The following PCDHGA5 variants were observed in gnomAD, a reference collection of about 807,000 sequenced individuals.
The protein encoded by PCDHGA5 is protocadherin gamma subfamily A, 5, also known as protocadherin gamma-A5.
A neutral mutation model predicts 56.7 loss-of-function variants in PCDHGA5; 36 were observed. That is an observed-to-expected ratio of 0.64 (90% CI 0.49 to 0.84). PCDHGA5 has a LOEUF of 0.84. Among genes scored for constraint, PCDHGA5 ranks in the 40% least tolerant of loss-of-function variants. The pLI, the probability that PCDHGA5 is intolerant of heterozygous loss-of-function variation, is 0.00. For synonymous variants in PCDHGA5, 563 were observed against 520.2 expected (o/e 1.08, Z -1.12); for missense variants, 1,305 against 1,201.5 (o/e 1.09, Z -1.27).
Position 141,489,079 on chromosome 5 carries a change from C to CCCCA in PCDHGA5, c.2422-5727_2422-5726insCCAC. ...CTCCCCTCCCCCCTGCCCACCCCCGCCACTCGGTGACTAAGAACTGCTGCA... is the reference window on the plus strand; with the variant it reads ...CTCCCCTCCCCCCTGCCCACCCCCGCCCCACACTCGGTGACTAAGAACTGCTGCA... On this transcript the variant is annotated intron_variant, in intron 1 of 3. Transcript: ENST00000518069. This position sits in a 1 kb window ranked among gnomAD's most constrained non-coding sequence, Gnocchi z 4.5. The CCCCA allele has an allele frequency of 9.1e-6, 3 of 329,992 alleles. No homozygotes were observed. Among genetic ancestry groups the CCCCA allele is most frequent in the African/African-American group, 2.4e-5 (1 of 41,312 alleles). The allele number at this position is 329,992 out of a possible 1,614,324, so 20.4% of individuals were successfully genotyped here.
chr5:141,414,624 G>C, intron 1 of PCDHGA5: 1 of 1,613,932 alleles, frequency 6.2e-7, no homozygotes, highest in Non-Finnish European at 8.5e-7. Context: ...CGCTGGACCC[G>C]GACAGCAAAG....
At chr5:141,374,974 G>A in intron 1 of PCDHGA5, 2 of 1,613,958 alleles carry the variant, frequency 1.2e-6, no homozygotes, top group Non-Finnish European at 1.7e-6. Context: ...TGAATGTTTT[G>A]ACTGGAGAAA....
chr5:141,371,979 G>T (rs1216406946), intron 1 of PCDHGA5: 1 of 1,613,118 alleles, frequency 6.2e-7, no homozygotes, highest in Non-Finnish European at 8.5e-7. Flanking sequence ...GCGTGCCTTC[G>T]AGCTCACTCT....
At chr5:141,400,191 A>G (rs781032596) in intron 1 of PCDHGA5, 2 of 1,613,970 alleles carry the variant, frequency 1.2e-6, no homozygotes, top group Non-Finnish European at 1.7e-6. Context: ...AGTTTTACCT[A>G]GTGGTGGCCT....
chr5:141,511,345 T>TC lies in PCDHGA5; in HGVS notation c.*179dup, dbSNP rs535135679. The TC allele has an allele frequency of 6.6e-4, 924 of 1,410,366 alleles. 3 individuals are homozygous for TC. The African/African-American group carries it at 0.011, about 17-fold the overall frequency. 87.4% of individuals were successfully genotyped at this position (1,410,366 alleles called of 1,614,324 possible). ...AAGTGCCCAGTCAGCACCTACCCCT[T>TC]CCCCCCCAGGGGGTTGAATATGCAA... On this transcript the variant is annotated 3_prime_UTR_variant, in exon 4 of 4. Coordinates refer to ENST00000518069, the MANE Select transcript of PCDHGA5 (RefSeq NM_018918.3).
chr5:141,481,071 A>G (rs887828386), intron 1 of PCDHGA5, among the ~76,000 whole-genome samples: 19 of 152,172 alleles, frequency 1.2e-4, no homozygotes, highest in African/African-American at 4.6e-4. Context: ...AACAAAAAGA[A>G]AGAAAGAAAA....
chr5:141,379,614 A>G (rs947547089), intron 1 of PCDHGA5: 1 of 152,204 alleles, frequency 6.6e-6, no homozygotes, highest in African/African-American at 2.4e-5. Context: ...TTTCATTTAA[A>G]CAAATAAAAT....
intron 1 of PCDHGA5, chr5:141,404,204 T>A: frequency 6.2e-7 from 1 of 1,613,718 alleles, no homozygotes; most frequent in Non-Finnish European, 8.5e-7. Context: ...AGCCTCAGAA[T>A]ATAATATCAC....
Position 141,491,743 on chromosome 5 carries a change from A to G in PCDHGA5, c.2422-3064A>G, listed in dbSNP as rs752434173. ...GCCCCGGGCGACCCCTGGGGGCGGC[A>G]CTGGAGAAGCCGCCCGTCCTCATAA... On this transcript the variant is annotated intron_variant, in intron 1 of 3. Transcript: ENST00000518069. The surrounding 1 kb of genome is among the most constrained non-coding windows in gnomAD (Gnocchi z 6.9). 5.0e-6 allele frequency: 8 copies of G among 1,595,570 alleles called. No individual in the cohort carries two copies. In the Admixed American group the frequency reaches 1.4e-4, roughly 28 times the overall value.
chr5:141,410,844 TTTGTC>T, intron 1 of PCDHGA5: 1 of 422,400 alleles, frequency 2.4e-6, no homozygotes, highest in Non-Finnish European at 3.9e-6. Context: ...ATATTTTGTC[TTTGTC>T]TTTTTTTTTT....
At chr5:141,450,881 G>A (rs1205242412) in intron 1 of PCDHGA5, among the ~76,000 whole-genome samples, 1 of 149,726 alleles carries the variant, frequency 6.7e-6, no homozygotes, top group African/African-American at 2.5e-5. Flanking sequence ...CTGGTGTGCA[G>A]TGGTGCGATA....
chr5:141,487,633 T>C lies in PCDHGA5; in HGVS notation c.2422-7174T>C. On this transcript the variant is annotated intron_variant, in intron 1 of 3. Transcript: ENST00000518069. The surrounding 1 kb of genome is among the most constrained non-coding windows in gnomAD (Gnocchi z 5.0). ...GGCTAGAGGTGAGACCTTTGCAGGCTCAACAAATGCTTGAGGGTTATTCTG... is the reference window on the plus strand; with the variant it reads ...GGCTAGAGGTGAGACCTTTGCAGGCCCAACAAATGCTTGAGGGTTATTCTG... 3 of 1,614,164 alleles carry C rather than the reference T, an allele frequency of 1.9e-6. No individual in the cohort carries two copies. The highest frequency in any genetic ancestry group is 2.7e-5 in the African/African-American group (2 of 75,052).
chr5:141,507,570 G>A (rs562674847), intron 3 of PCDHGA5, among the ~76,000 whole-genome samples: 1 of 152,366 alleles, frequency 6.6e-6, no homozygotes, highest in South Asian at 2.1e-4. Flanking sequence ...CTGGGTCTGA[G>A]GAGATGCCAA....
chr5:141,408,570 T>C (rs1184307323), intron 1 of PCDHGA5: 5 of 1,613,966 alleles, frequency 3.1e-6, no homozygotes, highest in East Asian at 2.2e-5. Context: ...ATTGTGGTGA[T>C]TGAGGATGTT....
intron 1 of PCDHGA5, among the ~76,000 whole-genome samples, chr5:141,455,803 A>C (rs1197986124): frequency 2.6e-5 from 4 of 152,068 alleles, no homozygotes; most frequent in Non-Finnish European, 4.4e-5. Flanking sequence ...TGCTTTAAAA[A>C]ATGAAAACTT....
At chr5:141,444,492 T>C (rs1052885639) in intron 1 of PCDHGA5, among the ~76,000 whole-genome samples, 1 of 152,122 alleles carries the variant, frequency 6.6e-6, no homozygotes, top group East Asian at 1.9e-4. Context: ...TTATATTGTG[T>C]AATACTTTGC....
intron 1 of PCDHGA5, among the ~76,000 whole-genome samples, chr5:141,373,410 C>A (rs1317795683): frequency 6.6e-6 from 1 of 152,216 alleles, no homozygotes; most frequent in Non-Finnish European, 1.5e-5. Flanking sequence ...GTAGTCCCAG[C>A]TACTCGGGAG....
At chr5:141,475,815 C>T (rs2099373124) in intron 1 of PCDHGA5, 1 of 340,648 alleles carries the variant, frequency 2.9e-6, no homozygotes, top group Non-Finnish European at 5.3e-6. Flanking sequence ...AAGTGAAGTT[C>T]CTGGCGCTAG....
In PCDHGA5 at chr5:141,366,052, C is replaced by T; in HGVS notation, c.1722C>T (p.Gly574=). 6.2e-7 allele frequency: 1 copy of T among 1,614,248 alleles called. No individual in the cohort carries two copies. Among genetic ancestry groups the T allele is most frequent in the Non-Finnish European group, 8.5e-7 (1 of 1,180,048 alleles). ...CCCTCCCCACAGACGGTTCCACGGG[C>T]GTGGAGCTGGCGCCTCGCTCCGCAG... ...YPALPTDGST[G]VELAPRSAEP... is the part of the protein sequence containing the mutation. Residue 574 remains glycine, a synonymous_variant, in exon 1 of 4, where the codon GGC becomes GGT. Transcript: ENST00000518069.
Sources: gnomAD v4.1 joint callset for allele counts (sites outside exome capture counted in the v4.1 genomes callset) on GRCh38, gnomAD v4.1.1 for gene constraint, Gnocchi (gnomAD v3.1) non-coding constraint, MANE v1.5 for transcripts, NCBI Gene and HGNC (gene_info 2026-07-23, HGNC 2026-07-21) for gene names.